The following CNTNAP2 variants were observed in gnomAD, a reference collection of about 807,000 sequenced individuals.
The protein encoded by CNTNAP2 is contactin-associated protein-like 2.
In CNTNAP2, 98 loss-of-function variants were observed where a neutral mutation model predicts 155.2. That is an observed-to-expected ratio of 0.63 (90% CI 0.54 to 0.75). The LOEUF (loss-of-function observed/expected upper bound fraction) is 0.75. CNTNAP2 is among the 30% of genes least tolerant of loss of function. The pLI, the probability that CNTNAP2 is intolerant of heterozygous loss-of-function variation, is 0.00. For missense variants in CNTNAP2, 1,727 were observed against 1,688.1 expected (o/e 1.02, Z -0.40); for synonymous variants, 651 against 631.2 (o/e 1.03, Z -0.47).
rs900790398 is a variant in CNTNAP2 at position 147,660,601 on chromosome 7, T to A, written c.2098+21295T>A. 2.0e-5 allele frequency among the ~76,000 whole-genome samples: 3 copies of A among 152,216 alleles called. No individual in the cohort carries two copies. The South Asian group carries it at 6.2e-4, about 31-fold the overall frequency. On this transcript the variant is annotated intron_variant, in intron 13 of 23. Transcript: ENST00000361727. ...GTTTTGCATTTAGTACCCTTCATAT[T>A]CCATTTTGAAATTGGCCATTCACTC... is the stretch of plus-strand genomic sequence containing the variant.
chr7:148,190,386 G>T (rs886796122), intron 18 of CNTNAP2: 1 of 152,214 alleles, frequency 6.6e-6, no homozygotes, highest in African/African-American at 2.4e-5. Context: ...TTTTAAACCA[G>T]CAAGTTTGGG....
intron 1 of CNTNAP2, among the ~76,000 whole-genome samples, chr7:146,425,438 T>G (rs1796073770): frequency 6.6e-6 from 1 of 152,194 alleles, no homozygotes. Flanking sequence ...CAAGCAGCCA[T>G]TTTGAGAGCA....
rs34144986 is a variant in CNTNAP2, at chr7:146,398,184, C to CTTTTTTTTTTT, written c.97+281223_97+281233dup. Among the ~76,000 whole-genome samples the CTTTTTTTTTTT allele has an allele frequency of 9.8e-3, 1,052 of 106,992 alleles. 80 individuals are homozygous for CTTTTTTTTTTT. Among genetic ancestry groups the CTTTTTTTTTTT allele is most frequent in the African/African-American group, 0.041 (995 of 24,360 alleles). 70.2% of individuals were successfully genotyped at this position (106,992 alleles called of 152,430 possible). Reference sequence around the variant, plus strand: ...GTGAGCACCTATACCCGGCCCCAAACTTTTTTTTTTTTTTTTTTTTTTAGC... The same window carrying CTTTTTTTTTTT: ...GTGAGCACCTATACCCGGCCCCAAACTTTTTTTTTTTTTTTTTTTTTTTTTTTTTTTTTAGC... On this transcript the variant is annotated intron_variant, in intron 1 of 23. Coordinates refer to ENST00000361727, the MANE Select transcript of CNTNAP2 (RefSeq NM_014141.6).
In CNTNAP2 at chr7:146,346,766, G is replaced by A. The variant is rs377713550; in HGVS notation, c.97+229793G>A. ...TCTAACTAATGCCTGATGATCTAACGTGGGACAGTTCCATCCTGAAATATT... is the reference window on the plus strand; with the variant it reads ...TCTAACTAATGCCTGATGATCTAACATGGGACAGTTCCATCCTGAAATATT... On this transcript the variant is annotated intron_variant, in intron 1 of 23. Coordinates refer to ENST00000361727, the MANE Select transcript of CNTNAP2 (RefSeq NM_014141.6). Among the ~76,000 whole-genome samples the A allele has an allele frequency of 2.9e-4, 44 of 152,088 alleles. No individual in the cohort carries two copies. The East Asian group carries it at 5.0e-3, about 17-fold the overall frequency.
chr7:147,568,501 T>C (rs1800220076), intron 12 of CNTNAP2, among the ~76,000 whole-genome samples: 1 of 152,154 alleles, frequency 6.6e-6, no homozygotes, highest in African/African-American at 2.4e-5. Context: ...CACAGAATCC[T>C]TTGTAGAAAA....
At chr7:148,351,310 G>A (rs1440513863) in intron 21 of CNTNAP2, among the ~76,000 whole-genome samples, 3 of 152,198 alleles carry the variant, frequency 2.0e-5, no homozygotes, top group African/African-American at 4.8e-5. Flanking sequence ...TCAAGGACAC[G>A]GCACTTAAGC....
At chr7:147,917,700 A>T (rs1245689466) in intron 14 of CNTNAP2, among the ~76,000 whole-genome samples, 3 of 152,206 alleles carry the variant, frequency 2.0e-5, no homozygotes, top group Non-Finnish European at 4.4e-5. Context: ...TTACCAAGGA[A>T]GAAGAGGAAA....
intron 15 of CNTNAP2, among the ~76,000 whole-genome samples, chr7:147,987,461 C>T (rs764646694): frequency 3.3e-5 from 5 of 152,176 alleles, no homozygotes; most frequent in Admixed American, 1.3e-4. Flanking sequence ...TTGGAGGAAT[C>T]GTCACATGCC....
At chr7:147,081,642 A>T (rs1185957182) in intron 4 of CNTNAP2, 1 of 149,788 alleles carries the variant, frequency 6.7e-6, no homozygotes, top group East Asian at 2.0e-4. Flanking sequence ...TTTAATAGAG[A>T]TGGGGTTTCA....
intron 16 of CNTNAP2, among the ~76,000 whole-genome samples, chr7:148,126,124 T>C (rs1804712552): frequency 6.6e-6 from 1 of 152,168 alleles, no homozygotes. Context: ...TTGAAGATGC[T>C]AACATTTTAA....
chr7:148,296,284 A>G (rs964225476), intron 21 of CNTNAP2, among the ~76,000 whole-genome samples: 1 of 152,052 alleles, frequency 6.6e-6, no homozygotes, highest in Non-Finnish European at 1.5e-5. Context: ...GGTAGCTCAC[A>G]TCTGTAATCC....
intron 1 of CNTNAP2, among the ~76,000 whole-genome samples, chr7:146,708,338 A>C (rs1363500911): frequency 6.6e-6 from 1 of 152,058 alleles, no homozygotes; most frequent in Non-Finnish European, 1.5e-5. Flanking sequence ...AAATGATCTC[A>C]ACATAATCAA....
At chr7:147,346,394 T>C (rs1040331020) in intron 9 of CNTNAP2, among the ~76,000 whole-genome samples, 1 of 151,868 alleles carries the variant, frequency 6.6e-6, no homozygotes, top group Non-Finnish European at 1.5e-5. Flanking sequence ...GACCTCATGA[T>C]CCACCCGCCT....
intron 1 of CNTNAP2, among the ~76,000 whole-genome samples, chr7:146,468,670 GAAAT>G (rs1360219847): frequency 6.6e-6 from 1 of 152,064 alleles, no homozygotes; most frequent in Non-Finnish European, 1.5e-5. Context: ...TTTCGACAAA[GAAAT>G]AAGCTCTCTG....
chr7:147,111,865 T>C (rs1164175426), intron 5 of CNTNAP2, among the ~76,000 whole-genome samples: 2 of 152,302 alleles, frequency 1.3e-5, no homozygotes, highest in South Asian at 2.1e-4. Flanking sequence ...TTTGGTTCCA[T>C]GTGAATTTTT....
rs1471860575 is a variant in CNTNAP2, at chr7:146,683,532, G to A, written c.98-90739G>A. Among the ~76,000 whole-genome samples the A allele has an allele frequency of 5.9e-5, 9 of 152,178 alleles. No individual in the cohort carries two copies. The East Asian group carries it at 1.7e-3, about 29-fold the overall frequency. ...TGCCACAAGAGACATTGGAAATTCTGTGTGTCATACCGGACATTAATTATA... is the reference window on the plus strand; with the variant it reads ...TGCCACAAGAGACATTGGAAATTCTATGTGTCATACCGGACATTAATTATA... On this transcript the variant is annotated intron_variant, in intron 1 of 23. Transcript: ENST00000361727.
chr7:146,898,152 T>A (rs186807729), intron 3 of CNTNAP2, among the ~76,000 whole-genome samples: 28 of 152,198 alleles, frequency 1.8e-4, no homozygotes, highest in Admixed American at 1.8e-3. Context: ...ACAAACAGTA[T>A]ATAACTTATT....
chr7:148,343,741 A>G (rs1393789573), intron 21 of CNTNAP2, among the ~76,000 whole-genome samples: 1 of 152,234 alleles, frequency 6.6e-6, no homozygotes, highest in Non-Finnish European at 1.5e-5. Flanking sequence ...GATGATTGAC[A>G]AAATTCTGGA....
At chr7:147,399,914 TAGAG>T (rs916850049) in intron 10 of CNTNAP2, among the ~76,000 whole-genome samples, 1 of 152,200 alleles carries the variant, frequency 6.6e-6, no homozygotes, top group Admixed American at 6.5e-5. Context: ...AATCTGCTCT[TAGAG>T]AGGAGGATTG....
Sources: allele counts gnomAD v4.1 joint callset (sites outside exome capture counted in the v4.1 genomes callset), GRCh38; gene constraint gnomAD v4.1.1; transcripts MANE v1.5; gene names NCBI Gene and HGNC (gene_info 2026-07-23, HGNC 2026-07-21).